Variants in USP34 observed in about 807,000 individuals in gnomAD.
The protein encoded by USP34 is ubiquitin specific peptidase 34, also known as ubiquitin carboxyl-terminal hydrolase 34.
Under a neutral mutation model 460.3 loss-of-function variants are expected in USP34, and 70 were observed. The observed-to-expected ratio is 0.15, with a 90% CI of 0.13 to 0.19. The LOEUF (loss-of-function observed/expected upper bound fraction) is 0.19, where lower values mean the gene tolerates loss of function less well. Ranked by LOEUF, USP34 falls within the 10% of genes least tolerant of loss-of-function variation. The probability of loss-of-function intolerance (pLI) is 1.00; values close to 1 mark genes in which losing one functional copy is unlikely to be tolerated. For missense variants in USP34, 3,985 were observed against 4,236.2 expected, an observed-to-expected ratio of 0.94 and a Z score of 1.65; for synonymous variants, 1,647 against 1,405.3, an observed-to-expected ratio of 1.17 and a Z score of -3.85.
intron 2 of USP34, among the ~76,000 whole-genome samples, chr2:61,411,209 A>G (rs1417651482): frequency 6.6e-6 from 1 of 151,684 alleles, no homozygotes. Flanking sequence ...ACATAGTGAG[A>G]CCTCGTCTCA....
Position 61,220,387 on chromosome 2 carries a change from T to C in USP34, c.7970A>G (p.His2657Arg). The C allele has an allele frequency of 6.2e-7, 1 of 1,613,998 alleles. No individual in the cohort carries two copies. The highest frequency in any genetic ancestry group is 8.5e-7 in the Non-Finnish European group (1 of 1,179,924). The change falls in exon 67 of 80, where the codon CAC becomes CGC. Residue 2657 changes from histidine to arginine, a missense_variant. Coordinates refer to ENST00000398571, the MANE Select transcript of USP34 (RefSeq NM_014709.4). ...TTCCATATTCTGTAAGACCCAGCTG[T>C]GTGCCAGTTTATTTCGGGGTGTCTG... is the stretch of plus-strand genomic sequence containing the variant. The part of the protein sequence containing the change: ...AVQTPRNKLA[H>R]SWVLQNMENW...
Position 61,350,404 on chromosome 2 carries a change from G to C in USP34, c.1378-15C>G, listed in dbSNP as rs528795461. The C allele has an allele frequency of 6.9e-6, 11 of 1,597,898 alleles. No homozygotes were observed. The highest frequency in any genetic ancestry group is 1.8e-5 in the Admixed American group (1 of 56,840). On this transcript the variant is annotated splice_polypyrimidine_tract_variant and intron_variant, in intron 11 of 79. Coordinates refer to ENST00000398571, the MANE Select transcript of USP34 (RefSeq NM_014709.4). Reference sequence around the variant, plus strand: ...AAGTACAGTGTCTAAAAAAAAGAGGGAGAGATTTCAGTTTGAGAATTCCAG... The same window carrying C: ...AAGTACAGTGTCTAAAAAAAAGAGGCAGAGATTTCAGTTTGAGAATTCCAG...
chr2:61,373,415 T>C lies in USP34; in HGVS notation c.1077-2836A>G, dbSNP rs151048796. On this transcript the variant is annotated intron_variant, in intron 8 of 79. Transcript: ENST00000398571. ...TATATGCTACCCCCAAGACATACTT[T>C]AGCTTCAAAACAAGCAGACTGAAAA... 1.4e-3 allele frequency among the ~76,000 whole-genome samples: 208 copies of C among 151,656 alleles called. 1 individual carries two copies. The highest frequency in any genetic ancestry group is 4.8e-3 in the African/African-American group (198 of 41,364).
chr2:61,365,294 T>TACACACACAC (rs1255160949), intron 10 of USP34, among the ~76,000 whole-genome samples: 8 of 109,756 alleles, frequency 7.3e-5, no homozygotes, highest in African/African-American at 1.9e-4. Context: ...CACACACACG[T>TACACACACAC]GTGTTTATTT....
chr2:61,242,458 TACACAC>T (rs67471702), intron 51 of USP34, among the ~76,000 whole-genome samples: 27,895 of 129,618 alleles, frequency 0.22, 3,158 homozygotes, highest in East Asian at 0.33. Context: ...AGATAATACA[TACACAC>T]ACACACACAC....
intron 48 of USP34, among the ~76,000 whole-genome samples, chr2:61,252,301 T>C (rs1327993841): frequency 6.6e-6 from 1 of 152,164 alleles, no homozygotes; most frequent in Non-Finnish European, 1.5e-5. Context: ...GGTTGTAAAA[T>C]GGAGATTACC....
intron 10 of USP34, among the ~76,000 whole-genome samples, chr2:61,368,733 A>G (rs1460891060): frequency 6.6e-6 from 1 of 152,242 alleles, no homozygotes; most frequent in African/African-American, 2.4e-5. Flanking sequence ...ATTAAGATAT[A>G]TAATTGCAAT....
intron 27 of USP34, among the ~76,000 whole-genome samples, chr2:61,304,522 G>T (rs1187814380): frequency 6.6e-6 from 1 of 152,186 alleles, no homozygotes; most frequent in East Asian, 1.9e-4. Context: ...TTAGATATCA[G>T]GCAGAGTCCT....
In USP34 at chr2:61,188,139, G is replaced by A. The variant is rs148154008; in HGVS notation, c.10604C>T (p.Thr3535Ile). 3.6e-4 allele frequency: 584 copies of A among 1,613,848 alleles called. 1 individual carries two copies. In the African/African-American group the frequency reaches 6.9e-3, roughly 19 times the overall value. The change falls in exon 80 of 80, where the codon ACA (threonine) becomes ATA (isoleucine). Residue 3535 changes from threonine (T) to isoleucine (I), a missense_variant. By Grantham distance (89) the Thr-to-Ile change is moderately conservative (BLOSUM62 -1). This residue lies in a region of USP34 where 506 missense variants were observed against 439.0 expected (regional missense o/e 1.15). Transcript: ENST00000398571. ...TTGGTTTCCTTTGCCAGATATCCTT[G>A]TGACGACATGGATTGTAGATTCAAT... ...RTIESTIHVV[T>I]RISGKGNQAA... is the part of the protein sequence containing the mutation.
intron 16 of USP34, among the ~76,000 whole-genome samples, chr2:61,343,548 A>T (rs1000507295): frequency 3.3e-5 from 5 of 152,212 alleles, no homozygotes; most frequent in Admixed American, 1.3e-4. Flanking sequence ...TCTAAAATAT[A>T]GAGCTTTAAT....
At chr2:61,399,334 A>C (rs553020898) in intron 3 of USP34, among the ~76,000 whole-genome samples, 1 of 145,308 alleles carries the variant, frequency 6.9e-6, no homozygotes. Context: ...CAGGATCAAA[A>C]CTCCGTCTCA....
intron 18 of USP34, 22 bp from the exon 19 acceptor site, chr2:61,333,993 C>T (rs977801931): frequency 2.7e-6 from 4 of 1,497,696 alleles, no homozygotes; most frequent in African/African-American, 2.8e-5. Flanking sequence ...GAAACATTCA[C>T]AAAATAATTT....
intron 41 of USP34, chr2:61,277,776 C>T (rs970402016): frequency 1.2e-5 from 2 of 164,742 alleles, no homozygotes; most frequent in Non-Finnish European, 2.6e-5. Flanking sequence ...GCCTATAATT[C>T]CCATTGTTGT....
intron 21 of USP34, 131 bp downstream of exon 21, chr2:61,325,244 A>AT (rs11448157): frequency 0.35 from 197,718 of 565,050 alleles, 36,518 homozygotes; most frequent in African/African-American, 0.38. Flanking sequence ...ACAAACATAC[A>AT]TGTGCCCACT....
At chr2:61,439,117 A>C (rs750867472) in intron 1 of USP34, among the ~76,000 whole-genome samples, 15 of 152,232 alleles carry the variant, frequency 9.9e-5, no homozygotes, top group Non-Finnish European at 1.6e-4. Context: ...AAGGAAGTGA[A>C]AGACCTAAAA....
rs185901656 is a variant in USP34, at chr2:61,314,547, T to C, written c.3542+38A>G. 548 of 1,395,458 alleles carry C rather than the reference T, an allele frequency of 3.9e-4. 2 individuals are homozygous for C. The African/African-American group carries it at 7.4e-3, about 19-fold the overall frequency. 86.4% of individuals were successfully genotyped at this position (1,395,458 alleles called of 1,614,324 possible). A position where few individuals can be genotyped will look rare whatever the true frequency, so the allele number is the denominator to read the frequency against. On this transcript the variant is annotated intron_variant, in intron 25 of 79. Coordinates refer to ENST00000398571, the MANE Select transcript of USP34 (RefSeq NM_014709.4). Reference sequence around the variant, plus strand: ...TTTCTGGATATGTCAGGAATAAAAATGAAATTCATTCTAACAGTGTGATAT... The same window carrying C: ...TTTCTGGATATGTCAGGAATAAAAACGAAATTCATTCTAACAGTGTGATAT...
rs1321597455 is a variant in USP34, at chr2:61,417,301, C to T, written c.131+3445G>A. On this transcript the variant is annotated intron_variant, in intron 2 of 79. Coordinates refer to ENST00000398571, the MANE Select transcript of USP34 (RefSeq NM_014709.4). ...ACAACAAACAGGCCGCATACACTAC[C>T]AAGGAAGCTGCTGTTTACAGCCATT... 5.3e-6 allele frequency: 4 copies of T among 757,786 alleles called. No individual in the cohort carries two copies. In the Admixed American group the frequency reaches 5.6e-5, roughly 11 times the overall value. 46.9% of individuals were successfully genotyped at this position (757,786 alleles called of 1,614,324 possible). A position where few individuals can be genotyped will look rare whatever the true frequency, so the allele number is the denominator to read the frequency against.
At chr2:61,328,365 A>G (rs772398381) in intron 20 of USP34, among the ~76,000 whole-genome samples, 2 of 152,224 alleles carry the variant, frequency 1.3e-5, no homozygotes, top group Non-Finnish European at 2.9e-5. Flanking sequence ...TACAAAATGA[A>G]AAAATAAAAA....
chr2:61,303,423 TC>T (rs1690291969), intron 27 of USP34, among the ~76,000 whole-genome samples: 1 of 152,122 alleles, frequency 6.6e-6, no homozygotes, highest in African/African-American at 2.4e-5. Context: ...GTCCTATTCA[TC>T]ATGTTGCTCA....
Sources: gnomAD v4.1 joint callset for allele counts (sites outside exome capture counted in the v4.1 genomes callset) on GRCh38, gnomAD v4.1.1 for gene constraint, gnomAD v4.1.1 regional missense constraint, MANE v1.5 for transcripts, NCBI Gene and HGNC (gene_info 2026-07-23, HGNC 2026-07-21) for gene names.